The following NHS variants were observed in gnomAD, a reference collection of about 807,000 sequenced individuals.
The protein encoded by NHS is NHS actin remodeling regulator.
A neutral mutation model predicts 72.5 loss-of-function variants in NHS; 5 were observed. That is an observed-to-expected ratio of 0.07 (90% confidence interval 0.04 to 0.14). NHS has a LOEUF of 0.14. NHS is among the 10% of genes least tolerant of loss of function. The probability of loss-of-function intolerance (pLI) is 1.00; values close to 1 mark genes in which losing one functional copy is unlikely to be tolerated. For synonymous variants in NHS, 464 were observed against 547.7 expected (o/e 0.85, Z 2.13); for missense variants, 1,072 against 1,355.7 (o/e 0.79, Z 3.29).
intron 1 of NHS, among the ~76,000 whole-genome samples, chrX:17,597,106 C>G (rs1022431615): frequency 2.0e-5 from 2 of 100,525 alleles, no homozygotes; most frequent in African/African-American, 8.1e-5. Flanking sequence ...GAACTTAAGA[C>G]TATTCTTCCG....
chrX:17,470,273 A>G (rs781188872), intron 1 of NHS, among the ~76,000 whole-genome samples: 1 of 110,446 alleles, frequency 9.1e-6, no homozygotes, highest in East Asian at 2.9e-4. Context: ...TCCCTTAATT[A>G]TCCAAACCAG....
intron 1 of NHS, among the ~76,000 whole-genome samples, chrX:17,596,943 A>T (rs961927936): frequency 3.1e-4 from 34 of 110,693 alleles, no homozygotes; most frequent in African/African-American, 1.1e-3. Flanking sequence ...GATAGCGTGG[A>T]GGTTTTATGG....
At chrX:17,560,702 C>T (rs1157103747) in intron 1 of NHS, among the ~76,000 whole-genome samples, 5 of 112,472 alleles carry the variant, frequency 4.4e-5, no homozygotes, top group Non-Finnish European at 9.4e-5. Context: ...CTCTACTGGC[C>T]CCAGCATAAA....
chrX:17,613,647 G>A (rs1014927851), intron 1 of NHS, among the ~76,000 whole-genome samples: 3 of 111,618 alleles, frequency 2.7e-5, no homozygotes, highest in African/African-American at 9.8e-5. Context: ...CCAGGTTCAT[G>A]TTTAGAGCAC....
chrX:17,391,547 T>C (rs1273317601), intron 1 of NHS, among the ~76,000 whole-genome samples: 1 of 111,826 alleles, frequency 8.9e-6, no homozygotes, highest in Non-Finnish European at 1.9e-5. Context: ...GGGTAAAGGA[T>C]GTAGGTATAA....
chrX:17,708,825 A>G (rs1032526069), intron 3 of NHS, among the ~76,000 whole-genome samples: 1 of 111,396 alleles, frequency 9.0e-6, no homozygotes, highest in South Asian at 3.8e-4. Context: ...GGCACTGGCT[A>G]TAATGCTTCA....
chrX:17,516,044 T>TAAAAA (rs367873952), intron 1 of NHS, among the ~76,000 whole-genome samples: 1 of 89,057 alleles, frequency 1.1e-5, no homozygotes, highest in Non-Finnish European at 2.3e-5. Flanking sequence ...TTAAAAGATG[T>TAAAAA]AAAAAAAAAA....
At chrX:17,663,195 C>T (rs183870815) in intron 1 of NHS, among the ~76,000 whole-genome samples, 2 of 111,380 alleles carry the variant, frequency 1.8e-5, no homozygotes, top group East Asian at 2.8e-4. Flanking sequence ...CATGTCATTT[C>T]GTGGCATGGA....
intron 1 of NHS, among the ~76,000 whole-genome samples, chrX:17,411,575 C>G (rs982946328): frequency 4.5e-5 from 5 of 111,437 alleles, no homozygotes; most frequent in African/African-American, 1.3e-4. Context: ...TCCTTAGCCT[C>G]AAACAGCAAA....
intron 1 of NHS, among the ~76,000 whole-genome samples, chrX:17,516,709 C>T (rs1400010223): frequency 1.8e-5 from 2 of 109,133 alleles, no homozygotes; most frequent in African/African-American, 6.7e-5. Flanking sequence ...GTGATATCTT[C>T]CTATGTCTGC....
intron 1 of NHS, among the ~76,000 whole-genome samples, chrX:17,536,509 A>G (rs1296239861): frequency 4.4e-5 from 5 of 112,443 alleles, no homozygotes; most frequent in African/African-American, 1.6e-4. Flanking sequence ...CCATGTGTAG[A>G]GTATAGAGGG....
intron 1 of NHS, among the ~76,000 whole-genome samples, chrX:17,534,656 C>T (rs2065214781): frequency 8.9e-6 from 1 of 112,092 alleles, no homozygotes; most frequent in African/African-American, 3.2e-5. Context: ...TGTATGGACT[C>T]TTCCAAGCAT....
chrX:17,474,446 G>T (rs1288192730), intron 1 of NHS, among the ~76,000 whole-genome samples: 1 of 111,810 alleles, frequency 8.9e-6, no homozygotes. Context: ...GGGTGCCTAG[G>T]ACAGACTCTG....
At chrX:17,715,280 T>C (rs1214297756) in intron 3 of NHS, among the ~76,000 whole-genome samples, 2 of 112,442 alleles carry the variant, frequency 1.8e-5, no homozygotes, top group East Asian at 2.8e-4. Flanking sequence ...ATATGGTGTT[T>C]GGTTTTCCAT....
intron 1 of NHS, among the ~76,000 whole-genome samples, chrX:17,483,923 T>C (rs370927534): frequency 9.0e-6 from 1 of 111,681 alleles, no homozygotes; most frequent in African/African-American, 3.3e-5. Flanking sequence ...AAGCCTGTCC[T>C]GTGGAAGTAT....
rs750917593 is a variant in NHS, at chrX:17,734,881, GTTTT to G, written c.*2420_*2423del. 8.9e-6 allele frequency: 1 copy of G among 112,509 alleles called. No individual in the cohort carries two copies. Among genetic ancestry groups the G allele is most frequent in the Non-Finnish European group, 1.9e-5 (1 of 53,296 alleles). 9.3% of individuals were successfully genotyped at this position (112,509 alleles called of 1,213,427 possible). ...CAGTATGGCTTTTGTGTAGTTAGGG[GTTTT>G]TTAAGTGTGAAGAAAGGTATGTGGG... On this transcript the variant is annotated 3_prime_UTR_variant, in exon 9 of 9. Coordinates refer to ENST00000676302, the MANE Select transcript of NHS (RefSeq NM_001291867.2).
chrX:17,485,251 G>T (rs753138456), intron 1 of NHS, among the ~76,000 whole-genome samples: 1 of 112,207 alleles, frequency 8.9e-6, no homozygotes, highest in Non-Finnish European at 1.9e-5. Context: ...CAAACTAAGC[G>T]AGTATTAGGA....
intron 1 of NHS, among the ~76,000 whole-genome samples, chrX:17,434,825 A>G (rs750073345): frequency 9.8e-5 from 11 of 111,933 alleles, no homozygotes; most frequent in Non-Finnish European, 1.7e-4. Context: ...AATACCCAGA[A>G]GCAGCTCCTG....
At chrX:17,618,742 G>T (rs956160716) in intron 1 of NHS, among the ~76,000 whole-genome samples, 1 of 112,085 alleles carries the variant, frequency 8.9e-6, no homozygotes, top group African/African-American at 3.2e-5. Context: ...TGCATTAGGT[G>T]GATAATTTGT....
Sources: gnomAD v4.1 joint callset for allele counts (sites outside exome capture counted in the v4.1 genomes callset) on GRCh38, gnomAD v4.1.1 for gene constraint, MANE v1.5 for transcripts, NCBI Gene and HGNC (gene_info 2026-07-23, HGNC 2026-07-21) for gene names.